Variants in SGCZ observed in about 807,000 individuals in gnomAD.
The protein encoded by SGCZ is zeta-sarcoglycan.
Under a neutral mutation model 41.3 loss-of-function variants are expected in SGCZ, and 40 were observed. The ratio of observed to expected loss-of-function variants is 0.97; its 90% CI spans 0.75 to 1.26. The LOEUF is 1.26. Ranked by LOEUF, SGCZ falls within the 50% of genes most tolerant of loss-of-function variation. SGCZ has a pLI of 0.00. For missense variants in SGCZ, 552 were observed against 369.8 expected (o/e 1.49, Z -4.04); for synonymous variants, 206 against 137.5 (o/e 1.50, Z -3.49).
chr8:14,532,593 T>C (rs977402130), intron 2 of SGCZ, among the ~76,000 whole-genome samples: 6 of 151,096 alleles, frequency 4.0e-5, no homozygotes, highest in African/African-American at 1.2e-4. Context: ...TCCTAGAAAA[T>C]GATAATAATG....
At chr8:15,206,637 C>A (rs914044107) in intron 1 of SGCZ, among the ~76,000 whole-genome samples, 1 of 152,034 alleles carries the variant, frequency 6.6e-6, no homozygotes, top group Non-Finnish European at 1.5e-5. Flanking sequence ...TCAGTAGAGA[C>A]GGTGTTTCAC....
intron 1 of SGCZ, among the ~76,000 whole-genome samples, chr8:14,650,849 T>C (rs1807374962): frequency 6.6e-6 from 1 of 151,862 alleles, no homozygotes. Context: ...TAGAGGGGAG[T>C]GATATGTTAT....
chr8:14,570,552 T>C (rs934710070), intron 1 of SGCZ, among the ~76,000 whole-genome samples: 1 of 152,206 alleles, frequency 6.6e-6, no homozygotes, highest in Non-Finnish European at 1.5e-5. Flanking sequence ...TTCATAGAGC[T>C]TTTCCTTCTT....
intron 2 of SGCZ, among the ~76,000 whole-genome samples, chr8:14,380,907 T>G (rs1220329440): frequency 6.6e-6 from 1 of 152,058 alleles, no homozygotes; most frequent in Non-Finnish European, 1.5e-5. Context: ...AAGTAAAAAG[T>G]AAAACTACCT....
chr8:14,244,496 C>G (rs963362996), intron 3 of SGCZ, among the ~76,000 whole-genome samples: 4 of 152,072 alleles, frequency 2.6e-5, no homozygotes, highest in Non-Finnish European at 5.9e-5. Flanking sequence ...GTTACTGTAG[C>G]CTTGTAGTAC....
chr8:14,589,868 A>G (rs1386752974), intron 1 of SGCZ, among the ~76,000 whole-genome samples: 1 of 152,184 alleles, frequency 6.6e-6, no homozygotes, highest in African/African-American at 2.4e-5. Context: ...ATTTTGCCCA[A>G]CTAGATATGG....
In SGCZ at chr8:14,618,328, A is replaced by T. The variant is rs138116134; in HGVS notation, c.40-63402T>A. ...AATAGAGCCCATTGCATTTTAAAAC[A>T]GTTTACTCAAGGCAAGCCCTGTAGA... On this transcript the variant is annotated intron_variant, in intron 1 of 7. Transcript: ENST00000382080. Among the ~76,000 whole-genome samples the T allele has an allele frequency of 8.9e-3, 1,348 of 152,290 alleles. 19 individuals carry two copies. Among genetic ancestry groups the T allele is most frequent in the African/African-American group, 0.031 (1,275 of 41,568 alleles).
intron 1 of SGCZ, among the ~76,000 whole-genome samples, chr8:14,874,469 G>A (rs1488623231): frequency 2.0e-5 from 3 of 151,992 alleles, no homozygotes; most frequent in Admixed American, 2.0e-4. Flanking sequence ...GATGGGAGAT[G>A]AAATTATTCT....
intron 1 of SGCZ, among the ~76,000 whole-genome samples, chr8:14,778,256 G>C (rs1021102970): frequency 1.3e-5 from 2 of 152,022 alleles, no homozygotes; most frequent in African/African-American, 4.8e-5. Flanking sequence ...CAGGCTTTTG[G>C]GGCCTTCAGG....
intron 1 of SGCZ, among the ~76,000 whole-genome samples, chr8:15,004,508 A>C (rs1321194387): frequency 1.3e-5 from 2 of 152,206 alleles, no homozygotes; most frequent in African/African-American, 4.8e-5. Flanking sequence ...GGGAATTTCA[A>C]GAAAAAATCT....
At chr8:14,966,725 G>A (rs544913236) in intron 1 of SGCZ, among the ~76,000 whole-genome samples, 3 of 152,144 alleles carry the variant, frequency 2.0e-5, no homozygotes, top group South Asian at 2.1e-4. Flanking sequence ...CTTTAAAAAC[G>A]CTTTGGGTTG....
intron 1 of SGCZ, among the ~76,000 whole-genome samples, chr8:14,841,731 T>C (rs1802922384): frequency 6.6e-6 from 1 of 152,200 alleles, no homozygotes; most frequent in Non-Finnish European, 1.5e-5. Flanking sequence ...TCAATATGTT[T>C]TCTTTAAAAC....
At position 14,114,698 on chromosome 8, in the gene SGCZ, T is replaced by C. The variant is rs149851839; in HGVS notation, c.548-6463A>G. On this transcript the variant is annotated intron_variant, in intron 5 of 7. Coordinates refer to ENST00000382080, the MANE Select transcript of SGCZ (RefSeq NM_139167.4). The stretch of plus-strand genomic sequence containing the variant: ...AAAATAAAGCTATTTTCTTCAAAAT[T>C]AAGTACATTTCAGAAATAAGTTGTT... Among the ~76,000 whole-genome samples, 864 of 152,074 alleles carry C rather than the reference T, an allele frequency of 5.7e-3. 27 individuals carry two copies. The highest frequency in any genetic ancestry group is 0.042 in the Admixed American group (648 of 15,250).
At chr8:14,230,726 A>G (rs1806532419) in intron 4 of SGCZ, among the ~76,000 whole-genome samples, 2 of 146,262 alleles carry the variant, frequency 1.4e-5, no homozygotes, top group Non-Finnish European at 3.0e-5. Flanking sequence ...AATTGAACAT[A>G]TATTCTTGTC....
At position 14,973,208 on chromosome 8, in the gene SGCZ, C is replaced by G. The variant is rs563384409; in HGVS notation, c.39+264377G>C. ...TGACAGTTTTACAGCACTGGAATATCTTTCTCAAAAACCCAGGAGCCATCC... is the reference window on the plus strand; with the variant it reads ...TGACAGTTTTACAGCACTGGAATATGTTTCTCAAAAACCCAGGAGCCATCC... On this transcript the variant is annotated intron_variant, in intron 1 of 7. Transcript: ENST00000382080. Among the ~76,000 whole-genome samples the G allele has an allele frequency of 4.6e-5, 7 of 152,236 alleles. No individual in the cohort carries two copies. In the East Asian group the frequency reaches 9.7e-4, roughly 21 times the overall value.
intron 1 of SGCZ, among the ~76,000 whole-genome samples, chr8:14,809,018 G>T (rs181934965): frequency 6.6e-6 from 1 of 150,820 alleles, no homozygotes; most frequent in African/African-American, 2.5e-5. Context: ...CTCATAGGTG[G>T]GAATTGAACA....
At chr8:14,159,711 C>A (rs2116972883) in intron 5 of SGCZ, among the ~76,000 whole-genome samples, 1 of 152,266 alleles carries the variant, frequency 6.6e-6, no homozygotes, top group East Asian at 1.9e-4. Context: ...CAAAGCGGCT[C>A]CATCCTGCTG....
chr8:14,576,482 T>C (rs1353597979), intron 1 of SGCZ, among the ~76,000 whole-genome samples: 1 of 152,126 alleles, frequency 6.6e-6, no homozygotes, highest in Admixed American at 6.5e-5. Context: ...GTTAGCTAAG[T>C]TAATGTGAAA....
intron 1 of SGCZ, among the ~76,000 whole-genome samples, chr8:15,148,694 A>G (rs78754485): frequency 0.029 from 4,460 of 152,306 alleles, 209 homozygotes; most frequent in African/African-American, 0.1. Flanking sequence ...CAAGTTTCTC[A>G]GGTGACACTG....
Sources: allele counts gnomAD v4.1 joint callset (sites outside exome capture counted in the v4.1 genomes callset), GRCh38; gene constraint gnomAD v4.1.1; transcripts MANE v1.5; gene names NCBI Gene and HGNC (gene_info 2026-07-23, HGNC 2026-07-21).